The following ANO6 variants were observed in gnomAD, a reference collection of about 807,000 sequenced individuals.
The protein encoded by ANO6 is anoctamin-6.
In ANO6, 106 loss-of-function variants were observed where a neutral mutation model predicts 117.5. The observed-to-expected ratio is 0.90, with a 90% CI of 0.77 to 1.06. The LOEUF is 1.06. ANO6 is among the 50% of genes least tolerant of loss of function. The probability of loss-of-function intolerance (pLI) is 0.00; values close to 1 mark genes in which losing one functional copy is unlikely to be tolerated. For synonymous variants in ANO6, 367 were observed against 385.1 expected, an observed-to-expected ratio of 0.95 and a Z score of 0.55; for missense variants, 955 against 1,121.1, an observed-to-expected ratio of 0.85 and a Z score of 2.12.
chr12:45,405,560 TTC>T (rs1325250866), intron 15 of ANO6, among the ~76,000 whole-genome samples: 1 of 152,222 alleles, frequency 6.6e-6, no homozygotes, highest in Non-Finnish European at 1.5e-5. Context: ...CTGGTGCTGC[TTC>T]TCTTTGTGTA....
chr12:45,281,761 T>A (rs1938743431), intron 1 of ANO6, among the ~76,000 whole-genome samples: 1 of 152,200 alleles, frequency 6.6e-6, no homozygotes, highest in South Asian at 2.1e-4. Context: ...AGAAATAACA[T>A]CTGTTTGTTA....
intron 2 of ANO6, among the ~76,000 whole-genome samples, chr12:45,312,334 C>T (rs1939876018): frequency 2.0e-5 from 3 of 151,896 alleles, no homozygotes; most frequent in African/African-American, 4.8e-5. Flanking sequence ...CGTATCATGA[C>T]CTAAAAAGCA....
chr12:45,275,775 G>A (rs1419924965), intron 1 of ANO6, among the ~76,000 whole-genome samples: 1 of 151,960 alleles, frequency 6.6e-6, no homozygotes, highest in Non-Finnish European at 1.5e-5. Flanking sequence ...CTTCCCTACT[G>A]GCCATTTCTT....
At chr12:45,344,490 G>A (rs972986129) in intron 3 of ANO6, among the ~76,000 whole-genome samples, 1 of 152,070 alleles carries the variant, frequency 6.6e-6, no homozygotes, top group Non-Finnish European at 1.5e-5. Flanking sequence ...ATCTGGAGTC[G>A]GAGGACAAGA....
At chr12:45,382,978 T>G (rs1433776267) in intron 10 of ANO6, among the ~76,000 whole-genome samples, 1 of 152,188 alleles carries the variant, frequency 6.6e-6, no homozygotes, top group Middle Eastern at 3.2e-3. Flanking sequence ...ATCAGTGGAC[T>G]CTTTTTTCAC....
chr12:45,301,834 A>G (rs557596177), intron 1 of ANO6, among the ~76,000 whole-genome samples, 180 bp from the exon 2 acceptor site: 3 of 152,312 alleles, frequency 2.0e-5, no homozygotes, highest in African/African-American at 7.2e-5. Context: ...GGTAGATCCA[A>G]TAGATGAAAC....
At chr12:45,274,901 T>TTA (rs1269771303) in intron 1 of ANO6, among the ~76,000 whole-genome samples, 3 of 150,032 alleles carry the variant, frequency 2.0e-5, no homozygotes, top group Non-Finnish European at 4.4e-5. Flanking sequence ...TACTCAGAGC[T>TTA]GTCACCCCTG....
At chr12:45,264,167 T>C (rs1938138901) in intron 1 of ANO6, among the ~76,000 whole-genome samples, 1 of 152,236 alleles carries the variant, frequency 6.6e-6, no homozygotes, top group Non-Finnish European at 1.5e-5. Flanking sequence ...GCATGTTGTC[T>C]TCAGGCTTTA....
intron 1 of ANO6, among the ~76,000 whole-genome samples, chr12:45,253,348 A>C (rs1319678940): frequency 6.6e-6 from 1 of 152,230 alleles, no homozygotes; most frequent in African/African-American, 2.4e-5. Context: ...GTTGCAGAGA[A>C]GAGAAAATAG....
Position 45,247,499 on chromosome 12 carries a change from A to C in ANO6, c.70+31108A>C, listed in dbSNP as rs559400982. 7.2e-5 allele frequency among the ~76,000 whole-genome samples: 11 copies of C among 152,368 alleles called. No individual in the cohort carries two copies. In the South Asian group the frequency reaches 2.1e-3, roughly 29 times the overall value. On this transcript the variant is annotated intron_variant, in intron 1 of 19. Transcript: ENST00000320560. ...GATGGTTATGGCAGGATTGGAACTT[A>C]GGCTGAATCACTGAGGTGGTTCCTG...
chr12:45,319,049 T>C (rs1283250388), intron 2 of ANO6, among the ~76,000 whole-genome samples: 1 of 152,204 alleles, frequency 6.6e-6, no homozygotes. Context: ...TATACAATCA[T>C]GTCATCTGCA....
In ANO6 at chr12:45,295,695, G is replaced by T. The variant is rs193065345; in HGVS notation, c.71-6319G>T. ...CCTGCCTCAGCCTCCAGAGTAGCTA[G>T]CGTTACAGGCATGTACCACTATGGC... On this transcript the variant is annotated intron_variant, in intron 1 of 19. Transcript: ENST00000320560. Among the ~76,000 whole-genome samples the T allele has an allele frequency of 8.5e-5, 13 of 152,152 alleles. No homozygotes were observed. In the East Asian group the frequency reaches 2.5e-3, roughly 29 times the overall value.
intron 1 of ANO6, among the ~76,000 whole-genome samples, chr12:45,258,183 T>A (rs2137204034): frequency 6.6e-6 from 1 of 152,334 alleles, no homozygotes; most frequent in African/African-American, 2.4e-5. Flanking sequence ...AATGAATAAT[T>A]GTGAATTACT....
Position 45,419,804 on chromosome 12 carries a change from TTA to T in ANO6, c.2218-1266_2218-1265del, listed in dbSNP as rs556644300. Among the ~76,000 whole-genome samples, 8 of 152,246 alleles carry T rather than the reference TTA, an allele frequency of 5.3e-5. No homozygotes were observed. The South Asian group carries it at 1.5e-3, about 28-fold the overall frequency. On this transcript the variant is annotated intron_variant, in intron 17 of 19. Transcript: ENST00000320560. ...AGTTTAAAGCCCAAATTAAAGAATT[TTA>T]GAGAAAATTCATATAATTCAGAATA...
chr12:45,321,060 A>G (rs990737540), intron 2 of ANO6, among the ~76,000 whole-genome samples: 3 of 152,068 alleles, frequency 2.0e-5, no homozygotes, highest in South Asian at 4.2e-4. Flanking sequence ...GATGGGTCTT[A>G]ACTCTTTATC....
intron 12 of ANO6, 33 bp downstream of exon 12, chr12:45,390,531 A>G: frequency 1.3e-6 from 2 of 1,578,778 alleles, no homozygotes; most frequent in Non-Finnish European, 8.7e-7. Flanking sequence ...TTGAATGATT[A>G]AAAATGTTTT....
At position 45,305,251 on chromosome 12, in the gene ANO6, G is replaced by A. The variant is rs548169782; in HGVS notation, c.150+3158G>A. Among the ~76,000 whole-genome samples, 366 of 152,272 alleles carry A rather than the reference G, an allele frequency of 2.4e-3. 3 individuals are homozygous for A. Among genetic ancestry groups the A allele is most frequent in the Non-Finnish European group, 4.6e-3 (311 of 68,026 alleles). The stretch of plus-strand genomic sequence containing the variant: ...TAAGAGTCCAGGTGAAAGGGACCCG[G>A]CAAATACTGGCATTAGAAAGTAACT... On this transcript the variant is annotated intron_variant, in intron 2 of 19. Coordinates refer to ENST00000320560, the MANE Select transcript of ANO6 (RefSeq NM_001025356.3).
At chr12:45,427,176 G>A (rs1161369285) in intron 19 of ANO6, among the ~76,000 whole-genome samples, 1 of 152,002 alleles carries the variant, frequency 6.6e-6, no homozygotes, top group African/African-American at 2.4e-5. Flanking sequence ...GACCAATTGT[G>A]CTGCTACCAC....
At chr12:45,221,236 G>A (rs1295682698) in intron 1 of ANO6, among the ~76,000 whole-genome samples, 1 of 152,224 alleles carries the variant, frequency 6.6e-6, no homozygotes, top group Admixed American at 6.5e-5. Context: ...AACGTATTCT[G>A]TGTTGATTGT....
Sources: allele counts gnomAD v4.1 joint callset (sites outside exome capture counted in the v4.1 genomes callset), GRCh38; gene constraint gnomAD v4.1.1; transcripts MANE v1.5; gene names NCBI Gene and HGNC (gene_info 2026-07-23, HGNC 2026-07-21).